Variants in CNTNAP2 observed in about 807,000 individuals in gnomAD.
The protein encoded by CNTNAP2 is contactin associated protein 2, also known as contactin-associated protein-like 2.
In CNTNAP2, 98 loss-of-function variants were observed where a neutral mutation model predicts 155.2. The ratio of observed to expected loss-of-function variants is 0.63; its 90% CI spans 0.54 to 0.75. The LOEUF is 0.75. Among genes scored for constraint, CNTNAP2 ranks in the 30% least tolerant of loss-of-function variants. The probability of loss-of-function intolerance (pLI) is 0.00; values close to 1 mark genes in which losing one functional copy is unlikely to be tolerated. For synonymous variants in CNTNAP2, 651 were observed against 631.2 expected (o/e 1.03, Z -0.47); for missense variants, 1,727 against 1,688.1 (o/e 1.02, Z -0.40).
chr7:147,194,830 A>C (rs1802751615), intron 8 of CNTNAP2, among the ~76,000 whole-genome samples: 1 of 152,230 alleles, frequency 6.6e-6, no homozygotes, highest in East Asian at 1.9e-4. Context: ...GAACTTTGTC[A>C]GATGGGTAGA....
At position 148,226,710 on chromosome 7, in the gene CNTNAP2, C is replaced by T. The variant is rs538529180; in HGVS notation, c.3248-2936C>T. 2.6e-5 allele frequency among the ~76,000 whole-genome samples: 4 copies of T among 152,332 alleles called. No homozygotes were observed. In the South Asian group the frequency reaches 8.3e-4, roughly 32 times the overall value. On this transcript the variant is annotated intron_variant, in intron 19 of 23. Coordinates refer to ENST00000361727, the MANE Select transcript of CNTNAP2 (RefSeq NM_014141.6). ...GTGCATGCAGCCCCTCCCACGTGCT[C>T]GCAGGCCACTGCGCATGCAGACAGC...
chr7:146,208,490 C>A (rs1036714968), intron 1 of CNTNAP2, among the ~76,000 whole-genome samples: 1 of 151,464 alleles, frequency 6.6e-6, no homozygotes, highest in African/African-American at 2.4e-5. Context: ...CCTTTGATTT[C>A]TTGCTGATTA....
At chr7:148,402,762 A>G (rs1332981189) in intron 22 of CNTNAP2, among the ~76,000 whole-genome samples, 2 of 152,070 alleles carry the variant, frequency 1.3e-5, no homozygotes, top group Non-Finnish European at 2.9e-5. Flanking sequence ...AGTGTCTCAA[A>G]TTATTACTTT....
chr7:147,746,583 G>T (rs1797046241), intron 13 of CNTNAP2, among the ~76,000 whole-genome samples: 1 of 151,946 alleles, frequency 6.6e-6, no homozygotes. Flanking sequence ...CACCTACAAG[G>T]TTTTCCTAGT....
At chr7:146,296,012 G>A (rs1280407735) in intron 1 of CNTNAP2, among the ~76,000 whole-genome samples, 1 of 152,054 alleles carries the variant, frequency 6.6e-6, no homozygotes, top group Non-Finnish European at 1.5e-5. Context: ...CATTAGTCAG[G>A]CTGTATTTTG....
At chr7:146,383,852 A>G (rs1215743001) in intron 1 of CNTNAP2, among the ~76,000 whole-genome samples, 1 of 152,204 alleles carries the variant, frequency 6.6e-6, no homozygotes, top group East Asian at 1.9e-4. Flanking sequence ...GAGTTATCAT[A>G]TCTAGAGTCA....
intron 8 of CNTNAP2, among the ~76,000 whole-genome samples, chr7:147,186,637 G>A (rs1291335126): frequency 6.6e-6 from 1 of 152,132 alleles, no homozygotes; most frequent in East Asian, 1.9e-4. Flanking sequence ...GTACACACTG[G>A]AGAGTGGAAA....
At chr7:146,687,896 T>C (rs1033761959) in intron 1 of CNTNAP2, among the ~76,000 whole-genome samples, 3 of 152,186 alleles carry the variant, frequency 2.0e-5, no homozygotes, top group Non-Finnish European at 2.9e-5. Context: ...ACAGGCTGTG[T>C]ATGTGCATGT....
chr7:147,872,019 G>C (rs1215341574), intron 13 of CNTNAP2, among the ~76,000 whole-genome samples: 1 of 152,116 alleles, frequency 6.6e-6, no homozygotes, highest in East Asian at 1.9e-4. Flanking sequence ...ACTGTCCCTA[G>C]CAGGAAAAAG....
chr7:146,497,880 T>C (rs917515891), intron 1 of CNTNAP2, among the ~76,000 whole-genome samples: 1 of 145,250 alleles, frequency 6.9e-6, no homozygotes, highest in Non-Finnish European at 1.5e-5. Context: ...TAAACACATA[T>C]ATACAATTAT....
At chr7:147,278,379 G>A (rs1320999815) in intron 8 of CNTNAP2, among the ~76,000 whole-genome samples, 2 of 151,738 alleles carry the variant, frequency 1.3e-5, no homozygotes, top group Non-Finnish European at 3.0e-5. Flanking sequence ...TACCTCAGAA[G>A]TTGAGGACCA....
intron 1 of CNTNAP2, among the ~76,000 whole-genome samples, chr7:146,401,352 AAAAAAAT>A (rs1212290705): frequency 3.3e-5 from 5 of 152,152 alleles, no homozygotes; most frequent in South Asian, 2.1e-4. Flanking sequence ...GGTGGCAGAG[AAAAAAAT>A]AAAAAATAAA....
intron 12 of CNTNAP2, among the ~76,000 whole-genome samples, chr7:147,576,326 A>T (rs1199096372): frequency 6.6e-6 from 1 of 152,156 alleles, no homozygotes; most frequent in Non-Finnish European, 1.5e-5. Flanking sequence ...GATAGGTAAG[A>T]GTGTGCATCA....
intron 15 of CNTNAP2, among the ~76,000 whole-genome samples, chr7:147,986,559 G>A (rs1801620412): frequency 6.6e-6 from 1 of 152,172 alleles, no homozygotes; most frequent in Non-Finnish European, 1.5e-5. Flanking sequence ...TCTGGGTCTA[G>A]AGAGGTTAAG....
intron 22 of CNTNAP2, among the ~76,000 whole-genome samples, chr7:148,407,681 T>G (rs1003091467): frequency 5.9e-5 from 7 of 118,262 alleles, no homozygotes; most frequent in Middle Eastern, 8.1e-3. Flanking sequence ...TCCAGCCTGG[T>G]CAACACAGCA....
chr7:147,914,752 A>G (rs1222597568), intron 14 of CNTNAP2, among the ~76,000 whole-genome samples: 2 of 151,890 alleles, frequency 1.3e-5, no homozygotes, highest in Non-Finnish European at 2.9e-5. Flanking sequence ...GGGTCTTGCC[A>G]TTTTGCCCAG....
At chr7:148,243,571 A>G (rs1796197783) in intron 20 of CNTNAP2, among the ~76,000 whole-genome samples, 1 of 152,098 alleles carries the variant, frequency 6.6e-6, no homozygotes, top group African/African-American at 2.4e-5. Context: ...CAGGCAAGAG[A>G]GAGAGCGCTT....
chr7:147,221,895 A>G (rs1441658185), intron 8 of CNTNAP2, among the ~76,000 whole-genome samples: 2 of 152,156 alleles, frequency 1.3e-5, no homozygotes, highest in Non-Finnish European at 2.9e-5. Context: ...TCTCAACACT[A>G]AATAATTCAC....
chr7:147,211,014 T>C (rs1209073598), intron 8 of CNTNAP2, among the ~76,000 whole-genome samples: 1 of 146,998 alleles, frequency 6.8e-6, no homozygotes, highest in African/African-American at 2.6e-5. Context: ...AGTCTTGGAG[T>C]AGGTTTTTTT....
Sources: allele counts gnomAD v4.1 joint callset (sites outside exome capture counted in the v4.1 genomes callset), GRCh38; gene constraint gnomAD v4.1.1; transcripts MANE v1.5; gene names NCBI Gene and HGNC (gene_info 2026-07-23, HGNC 2026-07-21).